TRAPPC8: variants seen among roughly 807,000 people sequenced by gnomAD.
TRAPPC8 encodes the protein trafficking protein particle complex subunit 8, also known as general sporulation gene 1 homolog.
TRAPPC8 carries 54 observed loss-of-function variants against 174.3 expected under a neutral mutation model. The ratio of observed to expected loss-of-function variants is 0.31; its 90% confidence interval spans 0.25 to 0.39. The LOEUF (loss-of-function observed/expected upper bound fraction) is 0.39. Ranked by LOEUF, TRAPPC8 falls within the 10% of genes least tolerant of loss-of-function variation. The probability of loss-of-function intolerance (pLI) is 1.00; values close to 1 mark genes in which losing one functional copy is unlikely to be tolerated. For synonymous variants in TRAPPC8, 630 were observed against 579.9 expected, an observed-to-expected ratio of 1.09 and a Z score of -1.24; for missense variants, 1,531 against 1,699.1, an observed-to-expected ratio of 0.90 and a Z score of 1.74.
chr18:31,872,937 GA>G (rs1226990835), intron 14 of TRAPPC8, among the ~76,000 whole-genome samples: 1 of 147,744 alleles, frequency 6.8e-6, no homozygotes, highest in African/African-American at 2.5e-5. Context: ...AAGCTGGAAA[GA>G]GAAACACCAA....
At chr18:31,840,003 G>T (rs1388306240) in intron 26 of TRAPPC8, among the ~76,000 whole-genome samples, 1 of 152,118 alleles carries the variant, frequency 6.6e-6, no homozygotes, top group Non-Finnish European at 1.5e-5. Flanking sequence ...CACGTAAAAA[G>T]TATTAACATA....
At chr18:31,933,145 T>C (rs1474056130) in intron 1 of TRAPPC8, among the ~76,000 whole-genome samples, 4 of 149,746 alleles carry the variant, frequency 2.7e-5, no homozygotes, top group Non-Finnish European at 4.4e-5. Context: ...ACTAAAAACA[T>C]AAAAAATTAG....
intron 12 of TRAPPC8, among the ~76,000 whole-genome samples, chr18:31,885,734 C>T (rs1468903853): frequency 6.6e-6 from 1 of 151,588 alleles, no homozygotes; most frequent in Non-Finnish European, 1.5e-5. Context: ...GTGGTGCATG[C>T]CCGTAATCCC....
chr18:31,917,472 TTATC>T, intron 3 of TRAPPC8, 102 bp downstream of exon 3: 2 of 942,246 alleles, frequency 2.1e-6, no homozygotes, highest in Middle Eastern at 2.2e-4. Flanking sequence ...AAAAAATAAT[TTATC>T]TATTCTCTGT....
intron 12 of TRAPPC8, among the ~76,000 whole-genome samples, chr18:31,880,090 AATATATATATATAT>A (rs1246506445): frequency 5.9e-5 from 5 of 85,380 alleles, no homozygotes; most frequent in Admixed American, 2.3e-4. Context: ...TGAAAAAAAA[AATATATATATATAT>A]ATATATATAT....
chr18:31,880,121 A>ATAT (rs1239258266), intron 12 of TRAPPC8, among the ~76,000 whole-genome samples: 126 of 69,036 alleles, frequency 1.8e-3, no homozygotes, highest in African/African-American at 5.3e-3. Context: ...ATATATATAT[A>ATAT]TTTTTTTTTT....
Position 31,850,932 on chromosome 18 carries a change from T to A in TRAPPC8, c.3562-1193A>T, listed in dbSNP as rs2033674305. ...GAAATTTAAAAAAAAATAACTAAAGTCCTGAAAACTAAATTCAACTATTCA... is the reference window on the plus strand; with the variant it reads ...GAAATTTAAAAAAAAATAACTAAAGACCTGAAAACTAAATTCAACTATTCA... On this transcript the variant is annotated intron_variant, in intron 24 of 28. Coordinates refer to ENST00000283351, the MANE Select transcript of TRAPPC8 (RefSeq NM_014939.5). Among the ~76,000 whole-genome samples, 5 of 152,246 alleles carry A rather than the reference T, an allele frequency of 3.3e-5. No homozygotes were observed. The South Asian group carries it at 8.3e-4, about 25-fold the overall frequency.
chr18:31,866,459 T>C (rs1210894150), intron 18 of TRAPPC8, among the ~76,000 whole-genome samples: 1 of 151,942 alleles, frequency 6.6e-6, no homozygotes, highest in African/African-American at 2.4e-5. Context: ...TGTGAAAACA[T>C]AGGTCTTTAA....
chr18:31,902,845 C>T (rs1355100893), intron 9 of TRAPPC8, among the ~76,000 whole-genome samples: 5 of 151,876 alleles, frequency 3.3e-5, no homozygotes, highest in East Asian at 1.9e-4. Flanking sequence ...GTCAGGATAT[C>T]GAGACCATCC....
intron 26 of TRAPPC8, among the ~76,000 whole-genome samples, chr18:31,840,019 T>G (rs984237332): frequency 5.3e-5 from 8 of 152,178 alleles, no homozygotes; most frequent in Non-Finnish European, 1.0e-4. Flanking sequence ...ACATAGCTGT[T>G]TGTCAGGCAC....
chr18:31,880,070 C>T lies in TRAPPC8; in HGVS notation c.1729-5366G>A, dbSNP rs369234964. Among the ~76,000 whole-genome samples the T allele has an allele frequency of 1.7e-4, 17 of 100,936 alleles. 1 individual carries two copies. The East Asian group carries it at 2.1e-3, about 12-fold the overall frequency. 66.2% of individuals were successfully genotyped at this position (100,936 alleles called of 152,430 possible). On this transcript the variant is annotated intron_variant, in intron 12 of 28. Coordinates refer to ENST00000283351, the MANE Select transcript of TRAPPC8 (RefSeq NM_014939.5). ...CAAAGAAGAGCTGGTACCAATTTTACTGAAACTATTGAAAAAAAAAATATA... is the reference window on the plus strand; with the variant it reads ...CAAAGAAGAGCTGGTACCAATTTTATTGAAACTATTGAAAAAAAAAATATA...
intron 10 of TRAPPC8, 57 bp downstream of exon 10, chr18:31,900,868 A>AG: frequency 1.4e-6 from 2 of 1,412,144 alleles, no homozygotes; most frequent in Admixed American, 2.4e-5. Context: ...AAAAAAAAAA[A>AG]AAAAGAACAA....
At chr18:31,871,172 AC>A (rs2034839928) in intron 14 of TRAPPC8, 52 bp from the exon 15 acceptor site, 1 of 1,114,718 alleles carries the variant, frequency 9.0e-7, no homozygotes, top group Admixed American at 2.9e-5. Flanking sequence ...CTCAAATAAA[AC>A]ATATTTTAAA....
intron 26 of TRAPPC8, among the ~76,000 whole-genome samples, chr18:31,840,818 A>G (rs1487186881): frequency 6.6e-6 from 1 of 152,234 alleles, no homozygotes; most frequent in Non-Finnish European, 1.5e-5. Context: ...TTTGCTGGAA[A>G]TAAAATAAAA....
chr18:31,916,522 G>C, intron 3 of TRAPPC8, 76 bp from the exon 4 acceptor site: 1 of 1,386,448 alleles, frequency 7.2e-7, no homozygotes, highest in Admixed American at 2.7e-5. Context: ...ATAAACAGGA[G>C]GTTTTTGTTT....
At chr18:31,916,056 CAAA>C (rs34732342) in intron 4 of TRAPPC8, among the ~76,000 whole-genome samples, 6 of 87,932 alleles carry the variant, frequency 6.8e-5, no homozygotes, top group Admixed American at 2.6e-4. Context: ...GACCTCGTCT[CAAA>C]AAAAAAAAAA....
intron 2 of TRAPPC8, among the ~76,000 whole-genome samples, chr18:31,923,954 C>T (rs1181680001): frequency 3.3e-5 from 5 of 151,960 alleles, no homozygotes; most frequent in African/African-American, 1.2e-4. Context: ...CAAGACAAGC[C>T]TGGCCAACAT....
intron 7 of TRAPPC8, 139 bp downstream of exon 7, chr18:31,908,615 T>C (rs944044689): frequency 1.0e-5 from 10 of 993,194 alleles, no homozygotes; most frequent in Admixed American, 6.5e-5. Context: ...AATTTCATCA[T>C]TGATAGTAAT....
In TRAPPC8 at chr18:31,942,556, T is replaced by G. The variant is rs2038393524; in HGVS notation, c.157+52A>C. On this transcript the variant is annotated intron_variant, in intron 1 of 28. Coordinates refer to ENST00000283351, the MANE Select transcript of TRAPPC8 (RefSeq NM_014939.5). ...TCCCTGCCCGCCCGCAACTTCCTTC[T>G]CCCGACCACGGCTTTGCGGGAGCCC... is the stretch of plus-strand genomic sequence containing the variant. The G allele has an allele frequency of 2.7e-6, 4 of 1,476,886 alleles. No homozygotes were observed. The East Asian group carries it at 7.8e-5, about 29-fold the overall frequency. The allele number at this position is 1,476,886 out of a possible 1,614,324, so 91.5% of individuals were successfully genotyped here. A position where few individuals can be genotyped will look rare whatever the true frequency, so the allele number is the denominator to read the frequency against.
Sources: allele counts gnomAD v4.1 joint callset (sites outside exome capture counted in the v4.1 genomes callset), GRCh38; gene constraint gnomAD v4.1.1; transcripts MANE v1.5; gene names NCBI Gene and HGNC (gene_info 2026-07-23, HGNC 2026-07-21).